Variants in CCBE1 observed in about 807,000 individuals in gnomAD.
CCBE1 encodes collagen and calcium binding EGF domains 1.
In CCBE1, 37 loss-of-function variants were observed where a neutral mutation model predicts 50.0. The observed-to-expected ratio is 0.74, with a 90% CI of 0.57 to 0.97. CCBE1 has a LOEUF of 0.97. Ranked by LOEUF, CCBE1 falls within the 50% of genes least tolerant of loss-of-function variation. The pLI is 0.00. For missense variants in CCBE1, 538 were observed against 523.8 expected (o/e 1.03, Z -0.26); for synonymous variants, 234 against 203.7 (o/e 1.15, Z -1.27).
chr18:59,494,954 G>C (rs1377752761), intron 2 of CCBE1, among the ~76,000 whole-genome samples: 1 of 152,140 alleles, frequency 6.6e-6, no homozygotes, highest in African/African-American at 2.4e-5. Flanking sequence ...AGGAGTCTGA[G>C]ACCAGCCTGG....
At chr18:59,596,684 A>G in intron 2 of CCBE1, among the ~76,000 whole-genome samples, 1 of 152,198 alleles carries the variant, frequency 6.6e-6, no homozygotes, top group Non-Finnish European at 1.5e-5. Flanking sequence ...CGTTTTACAC[A>G]ATTGAGACAG....
At chr18:59,637,807 A>G (rs2053933566) in intron 2 of CCBE1, among the ~76,000 whole-genome samples, 1 of 152,218 alleles carries the variant, frequency 6.6e-6, no homozygotes, top group South Asian at 2.1e-4. Context: ...GAATACCTGA[A>G]TATTTCTGTA....
Position 59,526,562 on chromosome 18 carries a change from G to C in CCBE1, c.213-46324C>G, listed in dbSNP as rs185128754. Among the ~76,000 whole-genome samples, 50 of 152,282 alleles carry C rather than the reference G, an allele frequency of 3.3e-4. 1 individual carries two copies. The East Asian group carries it at 9.1e-3, about 28-fold the overall frequency. On this transcript the variant is annotated intron_variant, in intron 2 of 10. Transcript: ENST00000439986. ...CTGACCTCGTGATTCACCTGCCTCAGCCTCCCAAAGTGCTGGGATTACAGG... is the reference window on the plus strand; with the variant it reads ...CTGACCTCGTGATTCACCTGCCTCACCCTCCCAAAGTGCTGGGATTACAGG...
intron 2 of CCBE1, among the ~76,000 whole-genome samples, chr18:59,486,592 A>T (rs1912833839): frequency 6.6e-6 from 1 of 152,224 alleles, no homozygotes; most frequent in South Asian, 2.1e-4. Flanking sequence ...AGGGTGGAAT[A>T]ACTTCATACC....
At chr18:59,494,155 T>C (rs1409928994) in intron 2 of CCBE1, among the ~76,000 whole-genome samples, 2 of 152,200 alleles carry the variant, frequency 1.3e-5, no homozygotes, top group African/African-American at 4.8e-5. Context: ...TAATGTGTCC[T>C]CTCAGTACAG....
At chr18:59,665,806 G>C (rs542966742) in intron 2 of CCBE1, among the ~76,000 whole-genome samples, 1 of 152,184 alleles carries the variant, frequency 6.6e-6, no homozygotes, top group Admixed American at 6.5e-5. Context: ...GGTCTAGTGC[G>C]TCTGTGTTTG....
chr18:59,575,799 G>A (rs2052986204), intron 2 of CCBE1, among the ~76,000 whole-genome samples: 1 of 152,186 alleles, frequency 6.6e-6, no homozygotes, highest in Non-Finnish European at 1.5e-5. Context: ...CAATTCTCAT[G>A]CCCAGAGCAG....
chr18:59,480,541 A>G (rs1404922506), intron 2 of CCBE1, among the ~76,000 whole-genome samples: 1 of 152,190 alleles, frequency 6.6e-6, no homozygotes, highest in Non-Finnish European at 1.5e-5. Context: ...AAAGGAGTAT[A>G]GGGCATAAAT....
At chr18:59,520,661 A>G (rs1008921135) in intron 2 of CCBE1, among the ~76,000 whole-genome samples, 3 of 152,274 alleles carry the variant, frequency 2.0e-5, no homozygotes, top group African/African-American at 7.2e-5. Context: ...AGAAGGCAAC[A>G]AAGTTGACTC....
intron 2 of CCBE1, among the ~76,000 whole-genome samples, chr18:59,483,797 A>G (rs1042041851): frequency 2.0e-5 from 3 of 152,194 alleles, no homozygotes; most frequent in Non-Finnish European, 4.4e-5. Context: ...TATGCTTTCA[A>G]TATAAAAACA....
At chr18:59,494,904 A>C (rs1163581243) in intron 2 of CCBE1, among the ~76,000 whole-genome samples, 1 of 152,190 alleles carries the variant, frequency 6.6e-6, no homozygotes, top group Admixed American at 6.5e-5. Context: ...CTGTAATCCT[A>C]GCACTTTGGG....
intron 2 of CCBE1, among the ~76,000 whole-genome samples, chr18:59,597,552 C>G (rs565518791): frequency 7.4e-6 from 1 of 136,040 alleles, no homozygotes; most frequent in East Asian, 2.5e-4. Context: ...AGAAAATTAA[C>G]TACAAAAAAA....
chr18:59,575,082 C>G (rs1448488621), intron 2 of CCBE1, among the ~76,000 whole-genome samples: 1 of 152,124 alleles, frequency 6.6e-6, no homozygotes, highest in South Asian at 2.1e-4. Context: ...CAAGGAACAC[C>G]AGAGATGGCT....
chr18:59,466,121 C>T (rs568904714), intron 5 of CCBE1, among the ~76,000 whole-genome samples: 2 of 152,086 alleles, frequency 1.3e-5, no homozygotes, highest in East Asian at 3.9e-4. Context: ...ATATATATTA[C>T]ATATAACTAC....
chr18:59,693,284 A>G (rs1489746907), intron 2 of CCBE1, among the ~76,000 whole-genome samples: 3 of 152,092 alleles, frequency 2.0e-5, no homozygotes, highest in African/African-American at 7.3e-5. Context: ...TTTCATGTAA[A>G]TTATGTAATG....
intron 6 of CCBE1, among the ~76,000 whole-genome samples, chr18:59,451,048 G>A (rs1910906259): frequency 6.6e-6 from 1 of 152,050 alleles, no homozygotes; most frequent in African/African-American, 2.4e-5. Flanking sequence ...CACTTCATTT[G>A]GCCATTGTTT....
intron 2 of CCBE1, among the ~76,000 whole-genome samples, chr18:59,546,475 G>A (rs1259135663): frequency 3.3e-5 from 5 of 152,206 alleles, no homozygotes; most frequent in African/African-American, 1.2e-4. Context: ...TCTTTGTGTA[G>A]CTCCCTCTTA....
intron 2 of CCBE1, among the ~76,000 whole-genome samples, chr18:59,530,562 G>A (rs1415599116): frequency 6.6e-6 from 1 of 150,888 alleles, no homozygotes; most frequent in Non-Finnish European, 1.5e-5. Flanking sequence ...CTCAGAAACT[G>A]AGCACTCTTT....
At chr18:59,532,292 G>A (rs537636924) in intron 2 of CCBE1, among the ~76,000 whole-genome samples, 1 of 152,262 alleles carries the variant, frequency 6.6e-6, no homozygotes, top group East Asian at 1.9e-4. Flanking sequence ...TGATCTGCCT[G>A]TCTCAGCCTC....
Sources: allele counts gnomAD v4.1 joint callset (sites outside exome capture counted in the v4.1 genomes callset), GRCh38; gene constraint gnomAD v4.1.1; transcripts MANE v1.5; gene names NCBI Gene and HGNC (gene_info 2026-07-23, HGNC 2026-07-21).